The following PXK variants were observed in gnomAD, a reference collection of about 807,000 sequenced individuals.
PXK encodes the protein PX domain-containing protein kinase-like protein.
PXK carries 35 observed loss-of-function variants against 84.7 expected under a neutral mutation model. The ratio of observed to expected loss-of-function variants is 0.41; its 90% CI spans 0.32 to 0.55. The LOEUF (loss-of-function observed/expected upper bound fraction) is 0.55, where lower values mean the gene tolerates loss of function less well. Among genes scored for constraint, PXK ranks in the 20% least tolerant of loss-of-function variants. PXK has a pLI of 0.21. For missense variants in PXK, 634 were observed against 699.7 expected (o/e 0.91, Z 1.06); for synonymous variants, 253 against 260.8 (o/e 0.97, Z 0.29).
rs1234310693 is a variant in PXK, at chr3:58,395,687, G to C, written c.750G>C (p.Lys250Asn). Residue 250 changes from lysine (K) to asparagine (N), a missense_variant, in exon 9 of 18, where the codon AAG (lysine) becomes AAC (asparagine). Physicochemically the swap from Lys to Asn is moderately conservative, Grantham distance 94 (BLOSUM62 0). Coordinates refer to ENST00000356151, the MANE Select transcript of PXK (RefSeq NM_017771.5). ...AACCAAAAGACCCATTTCTAAAGAA[G>C]TACTGCAACCCTAAGAAGATTCAGG... is the stretch of plus-strand genomic sequence containing the variant. ...KAKPKDPFLK[K>N]YCNPKKIQGL... 1 of 1,613,516 alleles carries C rather than the reference G, an allele frequency of 6.2e-7. No individual in the cohort carries two copies. The highest frequency in any genetic ancestry group is 8.5e-7 in the Non-Finnish European group (1 of 1,179,760).
At chr3:58,423,055 A>G in intron 17 of PXK, 2 of 985,348 alleles carry the variant, frequency 2.0e-6, no homozygotes, top group Non-Finnish European at 2.4e-6. Flanking sequence ...AAGTGGGCAG[A>G]GCTCACTCCT....
intron 4 of PXK, among the ~76,000 whole-genome samples, chr3:58,389,995 G>A (rs1416444006): frequency 5.3e-5 from 4 of 76,146 alleles, no homozygotes; most frequent in African/African-American, 1.1e-4. Flanking sequence ...GTGAAACTCC[G>A]TCTCAAAAAA....
chr3:58,400,910 CG>C lies in PXK; in HGVS notation c.1181+1534del, dbSNP rs371584228. Among the ~76,000 whole-genome samples, 241 of 152,126 alleles carry C rather than the reference CG, an allele frequency of 1.6e-3. 1 individual carries two copies. Among genetic ancestry groups the C allele is most frequent in the African/African-American group, 5.4e-3 (223 of 41,492 alleles). On this transcript the variant is annotated intron_variant, in intron 12 of 17. Coordinates refer to ENST00000356151, the MANE Select transcript of PXK (RefSeq NM_017771.5). This position sits in a 1 kb window ranked among gnomAD's most constrained non-coding sequence, Gnocchi z 4.0. ...CAGCCTGGGTGACAGAGCAAGACTC[CG>C]TCTCAAAACAAAACAAACAATGTGA...
intron 17 of PXK, chr3:58,422,772 C>T: frequency 1.0e-6 from 1 of 985,406 alleles, no homozygotes; most frequent in Non-Finnish European, 1.2e-6. Flanking sequence ...TCTCCAGCCC[C>T]CCAAAATCCT....
intron 17 of PXK, chr3:58,420,984 T>C: frequency 9.9e-7 from 1 of 1,011,742 alleles, no homozygotes. Context: ...GGAGACAACT[T>C]ACTGGCTTTT....
chr3:58,406,716 T>C (rs2059467406), intron 13 of PXK, among the ~76,000 whole-genome samples: 1 of 152,224 alleles, frequency 6.6e-6, no homozygotes. Context: ...ACCCATAGAA[T>C]AATGACTCCC....
At chr3:58,378,858 A>T (rs561067216) in intron 3 of PXK, among the ~76,000 whole-genome samples, 1 of 151,934 alleles carries the variant, frequency 6.6e-6, no homozygotes, top group South Asian at 2.1e-4. Flanking sequence ...TTTAAGGAGT[A>T]TGTAGACATA....
chr3:58,377,530 C>T (rs1241572066), intron 3 of PXK, among the ~76,000 whole-genome samples: 1 of 151,264 alleles, frequency 6.6e-6, no homozygotes, highest in Non-Finnish European at 1.5e-5. Flanking sequence ...GTCCCAGCTA[C>T]TCGAGAGGCA....
intron 1 of PXK, among the ~76,000 whole-genome samples, chr3:58,347,208 A>G (rs1177069811): frequency 6.6e-6 from 1 of 152,192 alleles, no homozygotes; most frequent in Non-Finnish European, 1.5e-5. Context: ...CCTGGGCTCA[A>G]GGGATTAGAT....
chr3:58,419,166 A>G (rs994337112), intron 17 of PXK, among the ~76,000 whole-genome samples: 7 of 152,278 alleles, frequency 4.6e-5, no homozygotes, highest in Non-Finnish European at 8.8e-5. Context: ...AGCCTCTCTG[A>G]GCAGCATTCC....
Position 58,364,728 on chromosome 3 carries a change from T to C in PXK, c.103-1146T>C, listed in dbSNP as rs985193880. On this transcript the variant is annotated intron_variant, in intron 1 of 17. Transcript: ENST00000356151. This position sits in a 1 kb window ranked among gnomAD's most constrained non-coding sequence, Gnocchi z 4.3. ...CTCGGTCTCAAAAAAAAAAAATCAT[T>C]ATGAAGATCAAATTATGTATTTCAT... Among the ~76,000 whole-genome samples the C allele has an allele frequency of 1.3e-5, 2 of 152,012 alleles. No individual in the cohort carries two copies. Among genetic ancestry groups the C allele is most frequent in the Non-Finnish European group, 2.9e-5 (2 of 67,998 alleles).
At chr3:58,395,138 A>C in intron 8 of PXK, 36 bp downstream of exon 8, 1,161 of 1,458,774 alleles carry the variant, frequency 8.0e-4, no homozygotes, top group Non-Finnish European at 1.0e-3. Flanking sequence ...AGGAATTCTC[A>C]AGTTCCTTTA....
At position 58,424,777 on chromosome 3, in the gene PXK, T is replaced by A. The variant is rs564898479; in HGVS notation, c.1554T>A (p.Pro518=). The change falls in exon 18 of 18, where the codon CCT becomes CCA. Residue 518 remains proline (P), a synonymous_variant. Coordinates refer to ENST00000356151, the MANE Select transcript of PXK (RefSeq NM_017771.5). ...TSGISALPPP[P]PPPPPPAAPL... is the part of the protein sequence containing the mutation. Reference sequence around the variant, plus strand: ...GGATATCTGCATTACCTCCACCTCCTCCACCTCCACCACCACCAGCAGCTC... The same window carrying A: ...GGATATCTGCATTACCTCCACCTCCACCACCTCCACCACCACCAGCAGCTC... The A allele has an allele frequency of 3.1e-6, 5 of 1,613,896 alleles. No individual in the cohort carries two copies. In the African/African-American group the frequency reaches 6.7e-5, roughly 22 times the overall value.
intron 9 of PXK, 75 bp from the exon 10 acceptor site, chr3:58,396,964 T>TA (rs1379107261): frequency 1.4e-6 from 2 of 1,477,796 alleles, no homozygotes; most frequent in African/African-American, 2.8e-5. Flanking sequence ...ATATATTGAC[T>TA]AAAAAACAAA....
rs1018797754 is a variant in PXK, at chr3:58,420,128, T to C, written c.1529-4624T>C. On this transcript the variant is annotated intron_variant, in intron 17 of 17. Transcript: ENST00000356151. ...TCATTTTTCTCCCATCTTGATCAAC[T>C]GTCCTTGTTTAATAATAGAACTAAG... Among the ~76,000 whole-genome samples the C allele has an allele frequency of 2.6e-5, 4 of 152,362 alleles. No homozygotes were observed. The South Asian group carries it at 8.3e-4, about 32-fold the overall frequency.
At chr3:58,375,790 G>A (rs6785572) in intron 3 of PXK, among the ~76,000 whole-genome samples, 44,367 of 151,832 alleles carry the variant, frequency 0.29, 7,226 homozygotes, top group Middle Eastern at 0.4. Flanking sequence ...TGGAAACATG[G>A]CATAAATAAT....
chr3:58,389,008 G>C (rs1465490901), intron 4 of PXK, among the ~76,000 whole-genome samples: 1 of 152,048 alleles, frequency 6.6e-6, no homozygotes, highest in African/African-American at 2.4e-5. Flanking sequence ...ACTGCAATGA[G>C]GGGAAATGGC....
In PXK at chr3:58,421,760, T is replaced by TG. The variant is rs1038349923; in HGVS notation, c.1529-2988dup. 4 of 985,248 alleles carry TG rather than the reference T, an allele frequency of 4.1e-6. No individual in the cohort carries two copies. Among genetic ancestry groups the TG allele is most frequent in the Admixed American group, 6.2e-5 (1 of 16,258 alleles). The allele number at this position is 985,248 out of a possible 1,614,324, so 61.0% of individuals were successfully genotyped here. A position where few individuals can be genotyped will look rare whatever the true frequency, so the allele number is the denominator to read the frequency against. On this transcript the variant is annotated intron_variant, in intron 17 of 17. Coordinates refer to ENST00000356151, the MANE Select transcript of PXK (RefSeq NM_017771.5). This position sits in a 1 kb window ranked among gnomAD's most constrained non-coding sequence, Gnocchi z 5.5. ...CCGTGTGGTTTGGTGGAGAAGATTT[T>TG]GGGGTGGGTAGAGTAAGTAGTTGGC... is the stretch of plus-strand genomic sequence containing the variant.
chr3:58,345,790 A>G (rs1285643980), intron 1 of PXK, among the ~76,000 whole-genome samples: 1 of 152,216 alleles, frequency 6.6e-6, no homozygotes, highest in Non-Finnish European at 1.5e-5. Flanking sequence ...TTATTGTTTT[A>G]TCGATATTTA....
Sources: gnomAD v4.1 joint callset for allele counts (sites outside exome capture counted in the v4.1 genomes callset) on GRCh38, gnomAD v4.1.1 for gene constraint, Gnocchi (gnomAD v3.1) non-coding constraint, MANE v1.5 for transcripts, NCBI Gene and HGNC (gene_info 2026-07-23, HGNC 2026-07-21) for gene names.